Variants in TNFSF4 observed in about 807,000 individuals in gnomAD.
TNFSF4 encodes the protein TNF superfamily member 4, also known as tumor necrosis factor ligand superfamily member 4.
Under a neutral mutation model 7.3 loss-of-function variants are expected in TNFSF4, and 4 were observed. That is an observed-to-expected ratio of 0.55 (90% CI 0.27 to 1.25). The LOEUF (loss-of-function observed/expected upper bound fraction) is 1.25. TNFSF4 is among the 50% of genes most tolerant of loss of function. The pLI, the probability that TNFSF4 is intolerant of heterozygous loss-of-function variation, is 0.12. For synonymous variants in TNFSF4, 76 were observed against 83.7 expected (o/e 0.91, Z 0.50); for missense variants, 181 against 208.8 (o/e 0.87, Z 0.82).
At chr1:173,417,127 G>A in the TNFSF4 span, among the ~76,000 whole-genome samples, 1 of 152,190 alleles carries the variant, frequency 6.6e-6, no homozygotes, top group Non-Finnish European at 1.5e-5. Flanking sequence ...TGCTCCTATA[G>A]CCAAATATTT....
chr1:173,325,812 C>A, the TNFSF4 span, among the ~76,000 whole-genome samples: 1 of 152,122 alleles, frequency 6.6e-6, no homozygotes, highest in Non-Finnish European at 1.5e-5. Flanking sequence ...CAAGACTAAA[C>A]CAGGAAGAAG....
At chr1:173,407,703 G>GGTGTGTGTGTGT in the TNFSF4 span, among the ~76,000 whole-genome samples, 12,242 of 148,210 alleles carry the variant, frequency 0.083, 615 homozygotes, top group East Asian at 0.17. Flanking sequence ...GATGTAAATG[G>GGTGTGTGTGTGT]GTGTGTGTGT....
the TNFSF4 span, among the ~76,000 whole-genome samples, chr1:173,264,026 G>A: frequency 4.6e-5 from 7 of 152,088 alleles, no homozygotes; most frequent in Non-Finnish European, 5.9e-5. Context: ...ATAACTATTG[G>A]ATACTAGGCT....
chr1:173,292,359 A>G, the TNFSF4 span, among the ~76,000 whole-genome samples: 1 of 152,182 alleles, frequency 6.6e-6, no homozygotes, highest in Non-Finnish European at 1.5e-5. Context: ...GACTCACCAC[A>G]TAACAGAATT....
the TNFSF4 span, among the ~76,000 whole-genome samples, chr1:173,249,191 A>G: frequency 6.6e-6 from 1 of 152,224 alleles, no homozygotes; most frequent in Non-Finnish European, 1.5e-5. Context: ...CCATTCTTCA[A>G]GGTGGAAAAT....
At chr1:173,365,166 G>A in the TNFSF4 span, among the ~76,000 whole-genome samples, 483 of 150,692 alleles carry the variant, frequency 3.2e-3, 1 homozygote, top group African/African-American at 0.011. Flanking sequence ...AAAAACACAA[G>A]AATGCTAACA....
intron 1 of TNFSF4, among the ~76,000 whole-genome samples, chr1:173,199,115 C>T (rs1458945113): frequency 6.6e-5 from 10 of 152,154 alleles, no homozygotes; most frequent in South Asian, 2.1e-4. Flanking sequence ...GCTTATCATA[C>T]GCTATTGCTT....
the TNFSF4 span, among the ~76,000 whole-genome samples, chr1:173,436,256 G>A: frequency 6.6e-6 from 1 of 152,246 alleles, no homozygotes; most frequent in Non-Finnish European, 1.5e-5. Flanking sequence ...GCCAATAAAG[G>A]GTGCATTACT....
the TNFSF4 span, among the ~76,000 whole-genome samples, chr1:173,406,208 A>G: frequency 6.6e-6 from 1 of 152,234 alleles, no homozygotes; most frequent in African/African-American, 2.4e-5. Context: ...GTAGGCACTC[A>G]ATAAATATTT....
the TNFSF4 span, among the ~76,000 whole-genome samples, chr1:173,428,387 A>G: frequency 1.3e-5 from 2 of 152,236 alleles, no homozygotes; most frequent in Non-Finnish European, 2.9e-5. Flanking sequence ...TCCAATCCAT[A>G]AAAATCTACA....
At chr1:173,444,565 C>T in the TNFSF4 span, among the ~76,000 whole-genome samples, 4 of 151,502 alleles carry the variant, frequency 2.6e-5, no homozygotes, top group Admixed American at 2.6e-4. Context: ...TGATTATAAT[C>T]CCTTTAAAGG....
the TNFSF4 span, among the ~76,000 whole-genome samples, chr1:173,376,128 C>T: frequency 1.3e-5 from 2 of 152,138 alleles, no homozygotes; most frequent in Non-Finnish European, 2.9e-5. Context: ...TTATGAATAC[C>T]CATGCATGTG....
chr1:173,321,905 G>A, the TNFSF4 span, among the ~76,000 whole-genome samples: 1 of 152,180 alleles, frequency 6.6e-6, no homozygotes, highest in East Asian at 1.9e-4. Context: ...AGACAATGTG[G>A]TGATTCCTCA....
the TNFSF4 span, among the ~76,000 whole-genome samples, chr1:173,357,708 T>C: frequency 1.3e-5 from 2 of 152,112 alleles, no homozygotes; most frequent in Non-Finnish European, 2.9e-5. Flanking sequence ...ATTTTTGTAT[T>C]TTTAGTAGAG....
chr1:173,310,416 C>T, the TNFSF4 span, among the ~76,000 whole-genome samples: 344 of 151,888 alleles, frequency 2.3e-3, 2 homozygotes, highest in African/African-American at 7.1e-3. Context: ...CAGGGGTATT[C>T]AGAAATATAT....
the TNFSF4 span, among the ~76,000 whole-genome samples, chr1:173,227,573 G>C: frequency 6.6e-6 from 1 of 152,176 alleles, no homozygotes. Context: ...CAGACAGTGG[G>C]TGCAGCACAG....
Position 173,190,398 on chromosome 1 carries a change from G to A in TNFSF4, c.154-1829C>T, listed in dbSNP as rs187677902. Among the ~76,000 whole-genome samples the A allele has an allele frequency of 1.7e-3, 258 of 152,292 alleles. 2 individuals carry two copies. Among genetic ancestry groups the A allele is most frequent in the African/African-American group, 5.6e-3 (234 of 41,570 alleles). On this transcript the variant is annotated intron_variant, in intron 1 of 2. Transcript: ENST00000281834. ...TCCATTGGCACCTGCCCACACAGACGAGGAATTCCCTACTTCTATTACAAG... is the reference window on the plus strand; with the variant it reads ...TCCATTGGCACCTGCCCACACAGACAAGGAATTCCCTACTTCTATTACAAG...
At chr1:173,187,878 C>A (rs1230476160) in intron 2 of TNFSF4, among the ~76,000 whole-genome samples, 2 of 152,168 alleles carry the variant, frequency 1.3e-5, no homozygotes, top group African/African-American at 4.8e-5. Context: ...AAGAATAGGT[C>A]CCCACCGCTA....
chr1:173,348,216 T>C, the TNFSF4 span, among the ~76,000 whole-genome samples: 2 of 152,200 alleles, frequency 1.3e-5, no homozygotes, highest in African/African-American at 2.4e-5. Flanking sequence ...TGGGAGATAA[T>C]TGAATTATGG....
Sources: allele counts gnomAD v4.1 joint callset (sites outside exome capture counted in the v4.1 genomes callset), GRCh38; gene constraint gnomAD v4.1.1; transcripts MANE v1.5; gene names NCBI Gene and HGNC (gene_info 2026-07-23, HGNC 2026-07-21).